Variants in ULK2 observed in about 807,000 individuals in gnomAD.
ULK2 encodes the protein serine/threonine-protein kinase ULK2.
A neutral mutation model predicts 127.5 loss-of-function variants in ULK2; 76 were observed. That is an observed-to-expected ratio of 0.60 (90% CI 0.50 to 0.72). The LOEUF is 0.72. Ranked by LOEUF, ULK2 falls within the 30% of genes least tolerant of loss-of-function variation. The pLI, the probability that ULK2 is intolerant of heterozygous loss-of-function variation, is 0.00. For synonymous variants in ULK2, 452 were observed against 461.9 expected, an observed-to-expected ratio of 0.98 and a Z score of 0.28; for missense variants, 1,144 against 1,295.9, an observed-to-expected ratio of 0.88 and a Z score of 1.80.
intron 12 of ULK2, 42 bp from the exon 13 acceptor site, chr17:19,816,962 A>C (rs566437343): frequency 6.4e-7 from 1 of 1,564,100 alleles, no homozygotes; most frequent in East Asian, 2.3e-5. Context: ...CTAATAATCA[A>C]ATGCAAGTCA....
At chr17:19,858,486 A>G (rs2042177467) in intron 3 of ULK2, among the ~76,000 whole-genome samples, 1 of 152,196 alleles carries the variant, frequency 6.6e-6, no homozygotes, top group South Asian at 2.1e-4. Flanking sequence ...GACAAGGACC[A>G]TTTCTACTTT....
intron 3 of ULK2, among the ~76,000 whole-genome samples, chr17:19,863,130 C>A (rs1190776536): frequency 6.6e-6 from 1 of 151,904 alleles, no homozygotes; most frequent in Non-Finnish European, 1.5e-5. Context: ...ACAAGAATCG[C>A]TTTAACCCGG....
intron 3 of ULK2, among the ~76,000 whole-genome samples, chr17:19,855,091 T>C (rs574510929): frequency 3.2e-5 from 4 of 123,984 alleles, no homozygotes; most frequent in African/African-American, 1.3e-4. Context: ...AAGAACAAGA[T>C]TCCATCTCAA....
At chr17:19,809,060 C>T (rs544019121) in intron 14 of ULK2, among the ~76,000 whole-genome samples, 1 of 152,244 alleles carries the variant, frequency 6.6e-6, no homozygotes, top group South Asian at 2.1e-4. Context: ...CAAAATGTAG[C>T]ATATACATAC....
At chr17:19,802,214 A>G (rs2087415805) in intron 15 of ULK2, among the ~76,000 whole-genome samples, 1 of 152,242 alleles carries the variant, frequency 6.6e-6, no homozygotes, top group Non-Finnish European at 1.5e-5. Flanking sequence ...AACTAAATAT[A>G]TACTCCTTTT....
intron 3 of ULK2, among the ~76,000 whole-genome samples, chr17:19,852,560 A>G (rs1159628062): frequency 6.6e-6 from 1 of 150,928 alleles, no homozygotes; most frequent in Non-Finnish European, 1.5e-5. Context: ...TACTTCATAT[A>G]CTGCTAGGCT....
intron 1 of ULK2, 40 bp from the exon 2 acceptor site, chr17:19,865,868 A>G (rs281342): frequency 0.048 from 59,944 of 1,237,564 alleles, 2,473 homozygotes; most frequent in East Asian, 0.18. Flanking sequence ...ATACCATTCC[A>G]CATAAATAAC....
At chr17:19,793,399 C>T (rs2087199225) in intron 20 of ULK2, among the ~76,000 whole-genome samples, 1 of 152,152 alleles carries the variant, frequency 6.6e-6, no homozygotes, top group Non-Finnish European at 1.5e-5. Flanking sequence ...CAAAACAACA[C>T]AACAGGGAAA....
rs911324357 is a variant in ULK2, at chr17:19,772,334, G to A, written c.*4015C>T. 1.3e-5 allele frequency: 2 copies of A among 152,198 alleles called. No individual in the cohort carries two copies. Among genetic ancestry groups the A allele is most frequent in the African/African-American group, 4.8e-5 (2 of 41,452 alleles). 9.4% of individuals were successfully genotyped at this position (152,198 alleles called of 1,614,324 possible). ...ATGTGGTTTCCTCTGATGCAGGTGAGGGAAGTATCATCTTGACTCCTCCAC... is the reference window on the plus strand; with the variant it reads ...ATGTGGTTTCCTCTGATGCAGGTGAAGGAAGTATCATCTTGACTCCTCCAC... On this transcript the variant is annotated 3_prime_UTR_variant, in exon 27 of 27. Transcript: ENST00000395544.
chr17:19,856,496 G>C (rs1214106205), intron 3 of ULK2, among the ~76,000 whole-genome samples: 4 of 151,558 alleles, frequency 2.6e-5, no homozygotes. Flanking sequence ...GCAGGAGAAT[G>C]AGGGGAACCT....
chr17:19,860,138 T>C (rs2042211444), intron 3 of ULK2, among the ~76,000 whole-genome samples: 1 of 152,222 alleles, frequency 6.6e-6, no homozygotes, highest in Admixed American at 6.5e-5. Context: ...TATAAATGTT[T>C]AGAAAATTCT....
chr17:19,777,093 C>A (rs925859018), intron 26 of ULK2, among the ~76,000 whole-genome samples: 6 of 151,964 alleles, frequency 3.9e-5, no homozygotes, highest in Admixed American at 3.9e-4. Flanking sequence ...ACCTACCTAC[C>A]TACCTATCTA....
chr17:19,814,438 AT>A (rs1187090319), intron 13 of ULK2, among the ~76,000 whole-genome samples: 4 of 23,324 alleles, frequency 1.7e-4, no homozygotes, highest in South Asian at 3.4e-3. Flanking sequence ...ATATATATAT[AT>A]TTTTTTTTTT....
chr17:19,778,058 A>G (rs1261736021), intron 25 of ULK2, among the ~76,000 whole-genome samples: 1 of 152,250 alleles, frequency 6.6e-6, no homozygotes, highest in Non-Finnish European at 1.5e-5. Flanking sequence ...AAATTTCATT[A>G]AAGTAGATTT....
At chr17:19,778,528 T>C (rs1367860367) in intron 25 of ULK2, among the ~76,000 whole-genome samples, 1 of 152,246 alleles carries the variant, frequency 6.6e-6, no homozygotes, top group Non-Finnish European at 1.5e-5. Context: ...GATTTTCTCT[T>C]TGATCATTAA....
chr17:19,818,840 A>T (rs1285217754), intron 12 of ULK2, among the ~76,000 whole-genome samples: 3 of 117,720 alleles, frequency 2.5e-5, no homozygotes, highest in Non-Finnish European at 4.8e-5. Context: ...TCACTGTGTC[A>T]CCCAGGCTGG....
intron 20 of ULK2, among the ~76,000 whole-genome samples, chr17:19,787,022 C>T (rs1369797166): frequency 7.0e-6 from 1 of 143,008 alleles, no homozygotes; most frequent in African/African-American, 2.6e-5. Flanking sequence ...TTTTTGGAGA[C>T]GGAATCTCAC....
At chr17:19,820,999 G>A (rs1270726988) in intron 12 of ULK2, among the ~76,000 whole-genome samples, 6 of 152,142 alleles carry the variant, frequency 3.9e-5, no homozygotes, top group Non-Finnish European at 7.4e-5. Flanking sequence ...GTAGGTATTC[G>A]ATAAATGTTA....
At chr17:19,867,251 C>T (rs111389585) in intron 1 of ULK2, 77 bp downstream of exon 1, 1 of 1,216,920 alleles carries the variant, frequency 8.2e-7, no homozygotes, top group South Asian at 1.7e-5. Flanking sequence ...TCTCGGCTCG[C>T]GGCTGCGCCA....
Sources: allele counts gnomAD v4.1 joint callset (sites outside exome capture counted in the v4.1 genomes callset), GRCh38; gene constraint gnomAD v4.1.1; transcripts MANE v1.5; gene names NCBI Gene and HGNC (gene_info 2026-07-23, HGNC 2026-07-21).